The following HSF2BP variants were observed in gnomAD, a reference collection of about 807,000 sequenced individuals.
HSF2BP encodes heat shock transcription factor 2 binding protein.
Under a neutral mutation model 35.0 loss-of-function variants are expected in HSF2BP, and 35 were observed. That is an observed-to-expected ratio of 1.00 (90% confidence interval 0.76 to 1.32). The LOEUF (loss-of-function observed/expected upper bound fraction) is 1.32. Among genes scored for constraint, HSF2BP ranks in the 40% most tolerant of loss-of-function variants. The probability of loss-of-function intolerance (pLI) is 0.00; values close to 1 mark genes in which losing one functional copy is unlikely to be tolerated. For missense variants in HSF2BP, 326 were observed against 321.7 expected, an observed-to-expected ratio of 1.01 and a Z score of -0.10; for synonymous variants, 114 against 117.4, an observed-to-expected ratio of 0.97 and a Z score of 0.18.
intron 8 of HSF2BP, among the ~76,000 whole-genome samples, chr21:43,587,176 T>A (rs148064152): frequency 1.3e-3 from 202 of 152,334 alleles, no homozygotes; most frequent in African/African-American, 4.7e-3. Flanking sequence ...TATGAAATTC[T>A]ATAATTTAAG....
intron 6 of HSF2BP, among the ~76,000 whole-genome samples, chr21:43,628,768 G>A (rs1478778879): frequency 6.6e-6 from 1 of 152,224 alleles, no homozygotes; most frequent in African/African-American, 2.4e-5. Context: ...AAGACAGGCT[G>A]ACTCTCTTGT....
At chr21:43,640,780 T>C (rs576166877) in intron 4 of HSF2BP, among the ~76,000 whole-genome samples, 10 of 151,708 alleles carry the variant, frequency 6.6e-5, no homozygotes, top group African/African-American at 2.4e-4. Context: ...TCCAGTGGGA[T>C]TGGACCAAAA....
intron 7 of HSF2BP, among the ~76,000 whole-genome samples, chr21:43,609,205 C>T (rs2082172236): frequency 6.6e-6 from 1 of 152,092 alleles, no homozygotes; most frequent in African/African-American, 2.4e-5. Context: ...TGCATGTTCT[C>T]ATTTATAAGT....
chr21:43,643,109 G>A (rs2082661140), intron 4 of HSF2BP, among the ~76,000 whole-genome samples: 1 of 152,048 alleles, frequency 6.6e-6, no homozygotes, highest in Non-Finnish European at 1.5e-5. Context: ...AGGAAGTTAT[G>A]CCACACAAAA....
intron 7 of HSF2BP, among the ~76,000 whole-genome samples, chr21:43,600,273 A>G (rs2082036219): frequency 6.6e-6 from 1 of 152,208 alleles, no homozygotes; most frequent in South Asian, 2.1e-4. Context: ...ACCTACGAGT[A>G]ACAGAATAAA....
chr21:43,635,445 T>A (rs1198794744), intron 4 of HSF2BP, among the ~76,000 whole-genome samples: 5 of 152,176 alleles, frequency 3.3e-5, no homozygotes, highest in Non-Finnish European at 7.4e-5. Flanking sequence ...ACTATAAACC[T>A]ACCGAAATAG....
At chr21:43,628,702 G>A (rs77117776) in intron 6 of HSF2BP, among the ~76,000 whole-genome samples, 2 of 152,314 alleles carry the variant, frequency 1.3e-5, no homozygotes, top group East Asian at 1.9e-4. Context: ...GGAAGAAGAC[G>A]CCATCTAGGA....
At chr21:43,648,718 A>G (rs370668695) in intron 3 of HSF2BP, among the ~76,000 whole-genome samples, 3 of 152,220 alleles carry the variant, frequency 2.0e-5, no homozygotes, top group African/African-American at 4.8e-5. Context: ...TCTTATTTCT[A>G]CAGACTACAA....
chr21:43,621,707 C>A (rs989214262), intron 6 of HSF2BP, among the ~76,000 whole-genome samples: 63 of 152,018 alleles, frequency 4.1e-4, no homozygotes, highest in African/African-American at 1.4e-3. Flanking sequence ...TTAACACCAA[C>A]CAGACCTATC....
At chr21:43,632,877 A>G (rs202032161) in intron 5 of HSF2BP, among the ~76,000 whole-genome samples, 8 of 150,574 alleles carry the variant, frequency 5.3e-5, no homozygotes, top group South Asian at 4.2e-4. Flanking sequence ...ATCTATATGT[A>G]TGTGTGTGTG....
chr21:43,658,848 G>A (rs916939086), intron 1 of HSF2BP, among the ~76,000 whole-genome samples: 1 of 152,200 alleles, frequency 6.6e-6, no homozygotes, highest in Admixed American at 6.5e-5. Context: ...CTGGAGGAAG[G>A]CGAGCCCTCC....
At chr21:43,613,072 A>C (rs1006316815) in intron 7 of HSF2BP, among the ~76,000 whole-genome samples, 2 of 152,236 alleles carry the variant, frequency 1.3e-5, no homozygotes, top group African/African-American at 4.8e-5. Flanking sequence ...AATCTATAAG[A>C]AGCAGAGTTT....
rs768903585 is a variant in HSF2BP, at chr21:43,592,310, T to C, written c.711A>G (p.Leu237=). ...TKLKVLMLMS[L]YNVSINLKGL... ...CTTTCAAATTGATGCTTACATTGTA[T>C]AGGGACATCAGCATTAGCCTGAAAT... The change falls in exon 8 of 9, where the codon CTA becomes CTG. Residue 237 remains leucine (L), a synonymous_variant. Transcript: ENST00000291560. 6.2e-6 allele frequency: 10 copies of C among 1,612,056 alleles called. No individual in the cohort carries two copies. The highest frequency in any genetic ancestry group is 1.6e-4 in the Middle Eastern group (1 of 6,078).
At chr21:43,618,326 T>C (rs933877891) in intron 6 of HSF2BP, among the ~76,000 whole-genome samples, 1 of 152,182 alleles carries the variant, frequency 6.6e-6, no homozygotes, top group African/African-American at 2.4e-5. Flanking sequence ...AGACGTACTA[T>C]GTCTGATACT....
At chr21:43,650,927 C>T (rs1038439133) in intron 3 of HSF2BP, among the ~76,000 whole-genome samples, 3 of 151,978 alleles carry the variant, frequency 2.0e-5, no homozygotes, top group Admixed American at 1.3e-4. Context: ...AGTCTGGTCT[C>T]GAACTCCTGA....
intron 4 of HSF2BP, among the ~76,000 whole-genome samples, chr21:43,633,638 T>C (rs2082513649): frequency 6.6e-6 from 1 of 152,208 alleles, no homozygotes; most frequent in Admixed American, 6.5e-5. Context: ...GGAAAGAACA[T>C]ACTACCACAT....
chr21:43,612,162 A>G (rs1344783033), intron 7 of HSF2BP, among the ~76,000 whole-genome samples: 1 of 152,202 alleles, frequency 6.6e-6, no homozygotes, highest in Non-Finnish European at 1.5e-5. Context: ...GTGAAAATAT[A>G]AACACCAGCA....
At chr21:43,651,025 A>C (rs769554015) in intron 3 of HSF2BP, among the ~76,000 whole-genome samples, 10 of 152,152 alleles carry the variant, frequency 6.6e-5, no homozygotes, top group Admixed American at 3.3e-4. Context: ...CATCTCTTGC[A>C]AACATAGCTG....
intron 7 of HSF2BP, among the ~76,000 whole-genome samples, chr21:43,600,632 C>T (rs1052655531): frequency 6.6e-6 from 1 of 152,162 alleles, no homozygotes; most frequent in African/African-American, 2.4e-5. Context: ...CAAGTTAGAA[C>T]CTAAAAACCT....
Sources: allele counts gnomAD v4.1 joint callset (sites outside exome capture counted in the v4.1 genomes callset), GRCh38; gene constraint gnomAD v4.1.1; transcripts MANE v1.5; gene names NCBI Gene and HGNC (gene_info 2026-07-23, HGNC 2026-07-21).